The following GARRE1 variants were observed in gnomAD, a reference collection of about 807,000 sequenced individuals.
GARRE1 encodes granule associated Rac and RHOG effector 1.
GARRE1 carries 49 observed loss-of-function variants against 103.2 expected under a neutral mutation model. The ratio of observed to expected loss-of-function variants is 0.47; its 90% CI spans 0.38 to 0.60. The LOEUF is 0.60. Among genes scored for constraint, GARRE1 ranks in the 20% least tolerant of loss-of-function variants. The probability of loss-of-function intolerance (pLI) is 0.00; values close to 1 mark genes in which losing one functional copy is unlikely to be tolerated. For synonymous variants in GARRE1, 505 were observed against 532.8 expected, an observed-to-expected ratio of 0.95 and a Z score of 0.72; for missense variants, 1,199 against 1,370.5, an observed-to-expected ratio of 0.87 and a Z score of 1.98.
chr19:34,264,521 C>T (rs1382412721), intron 1 of GARRE1, among the ~76,000 whole-genome samples: 1 of 152,108 alleles, frequency 6.6e-6, no homozygotes, highest in African/African-American at 2.4e-5. Flanking sequence ...GCCTCAGCCT[C>T]CTGAGTAGCT....
At position 34,352,795 on chromosome 19, in the gene GARRE1, C is replaced by T. The variant is rs2074245896; in HGVS notation, c.3053C>T (p.Pro1018Leu). ...WNDTMQMLQS[P>L]VWAATNDCSA... ...GACACCATGCAGATGCTGCAGTCCC[C>T]AGTGTGGGCCGCAACCAACGACTGC... The change falls in exon 14 of 14, where the codon CCA becomes CTA. Residue 1018 changes from proline (P) to leucine (L), a missense_variant. By Grantham distance (98) the Pro-to-Leu change is moderately conservative (BLOSUM62 -3). Coordinates refer to ENST00000299505, the MANE Select transcript of GARRE1 (RefSeq NM_014686.5). 6.2e-7 allele frequency: 1 copy of T among 1,613,966 alleles called. No homozygotes were observed. The highest frequency in any genetic ancestry group is 1.1e-5 in the South Asian group (1 of 91,088).
intron 1 of GARRE1, among the ~76,000 whole-genome samples, chr19:34,271,651 G>A (rs1174242192): frequency 6.6e-6 from 1 of 152,028 alleles, no homozygotes; most frequent in Non-Finnish European, 1.5e-5. Flanking sequence ...CTTGAGCCCA[G>A]GAGTTTGAGA....
rs144203915 is a variant in GARRE1 at position 34,327,654 on chromosome 19, T to C, written c.846+93T>C. 9.8e-4 allele frequency: 1,467 copies of C among 1,493,410 alleles called. 27 individuals are homozygous for C. The East Asian group carries it at 0.027, about 27-fold the overall frequency. The allele number at this position is 1,493,410 out of a possible 1,614,324, so 92.5% of individuals were successfully genotyped here. A position where few individuals can be genotyped will look rare whatever the true frequency, so the allele number is the denominator to read the frequency against. On this transcript the variant is annotated intron_variant, in intron 4 of 13. Transcript: ENST00000299505. ...ATGTTGAATCAATTAGAAAGGGTTA[T>C]AGAGTAGTAATTGACCTTTTAATAG...
chr19:34,320,142 T>C, intron 3 of GARRE1, 26 bp downstream of exon 3: 1 of 1,600,272 alleles, frequency 6.2e-7, no homozygotes, highest in East Asian at 2.2e-5. Context: ...GGGAGATTGG[T>C]GCCTGTGTTC....
chr19:34,304,574 C>T (rs7245432), intron 2 of GARRE1, among the ~76,000 whole-genome samples: 17,431 of 151,266 alleles, frequency 0.12, 1,314 homozygotes, highest in African/African-American at 0.21. Flanking sequence ...AGACGGGTTT[C>T]ACCATGTTGA....
chr19:34,269,859 T>A (rs2073775978), intron 1 of GARRE1, among the ~76,000 whole-genome samples: 1 of 152,230 alleles, frequency 6.6e-6, no homozygotes, highest in South Asian at 2.1e-4. Flanking sequence ...GAACATGCTT[T>A]AGTATTAATT....
chr19:34,351,735 C>A, intron 13 of GARRE1, 143 bp downstream of exon 13: 1 of 658,406 alleles, frequency 1.5e-6, no homozygotes, highest in Admixed American at 2.1e-5. Flanking sequence ...CTCAGAGCCA[C>A]AGGAAGCTCT....
intron 3 of GARRE1, among the ~76,000 whole-genome samples, chr19:34,325,238 C>T (rs1360798345): frequency 6.6e-6 from 1 of 152,156 alleles, no homozygotes; most frequent in Admixed American, 6.5e-5. Context: ...GCCCTTCTCC[C>T]TAGGGGTTCT....
At chr19:34,264,645 A>G (rs2923792) in intron 1 of GARRE1, among the ~76,000 whole-genome samples, 129,992 of 152,062 alleles carry the variant, frequency 0.85, 56,402 homozygotes, top group Non-Finnish European at 0.93. Context: ...TGATCCGCCC[A>G]CCTCGGCCTC....
chr19:34,353,054 C>T lies in GARRE1; in HGVS notation c.*99C>T, dbSNP rs1026658729. 3.6e-5 allele frequency: 42 copies of T among 1,154,298 alleles called. No individual in the cohort carries two copies. Among genetic ancestry groups the T allele is most frequent in the Admixed American group, 1.0e-4 (4 of 38,120 alleles). The allele number at this position is 1,154,298 out of a possible 1,614,324, so 71.5% of individuals were successfully genotyped here. On this transcript the variant is annotated 3_prime_UTR_variant, in exon 14 of 14. Transcript: ENST00000299505. ...GGCCACTTAGCTGACACCAGCCCCT[C>T]AGAGGACCAGTGCGCCCCATCCCAG...
intron 1 of GARRE1, among the ~76,000 whole-genome samples, chr19:34,288,681 G>A (rs1413290524): frequency 6.6e-6 from 1 of 152,274 alleles, no homozygotes; most frequent in East Asian, 1.9e-4. Flanking sequence ...TTTGAAGGGA[G>A]GTGATGTGTG....
rs1412016895 is a variant in GARRE1 at position 34,300,152 on chromosome 19, A to G, written c.-322A>G. On this transcript the variant is annotated 5_prime_UTR_variant, in exon 2 of 14. Transcript: ENST00000299505. ...TGCCATTGTAAATACAAGTATCAAA[A>G]TATTCTTGCAAAGAAGTAAACATTT... The G allele has an allele frequency of 2.2e-5, 6 of 271,838 alleles. No homozygotes were observed. In the East Asian group the frequency reaches 3.3e-4, roughly 15 times the overall value. The allele number at this position is 271,838 out of a possible 1,614,324, so 16.8% of individuals were successfully genotyped here. A position where few individuals can be genotyped will look rare whatever the true frequency, so the allele number is the denominator to read the frequency against.
rs539016186 is a variant in GARRE1, at chr19:34,324,634, A to C, written c.706-2787A>C. Among the ~76,000 whole-genome samples the C allele has an allele frequency of 8.6e-5, 13 of 151,810 alleles. No individual in the cohort carries two copies. The South Asian group carries it at 2.7e-3, about 32-fold the overall frequency. ...CTCCTGAGTAGCTCAGACTATAGGC[A>C]TGCACCACCATGCTTGGCTAATTAT... On this transcript the variant is annotated intron_variant, in intron 3 of 13. Coordinates refer to ENST00000299505, the MANE Select transcript of GARRE1 (RefSeq NM_014686.5).
chr19:34,324,238 C>T (rs1458412625), intron 3 of GARRE1, among the ~76,000 whole-genome samples: 1 of 152,210 alleles, frequency 6.6e-6, no homozygotes. Context: ...TCTCAGCCAA[C>T]TTCTTGGAGT....
At chr19:34,304,111 T>A (rs1033722233) in intron 2 of GARRE1, among the ~76,000 whole-genome samples, 5 of 137,890 alleles carry the variant, frequency 3.6e-5, no homozygotes, top group Non-Finnish European at 6.3e-5. Flanking sequence ...TTTTTTTTTT[T>A]AGACAGAGTC....
At chr19:34,262,833 C>T (rs943578795) in intron 1 of GARRE1, among the ~76,000 whole-genome samples, 1 of 152,140 alleles carries the variant, frequency 6.6e-6, no homozygotes, top group Non-Finnish European at 1.5e-5. Flanking sequence ...AAGCAAGGTA[C>T]AGAACAATGT....
chr19:34,307,579 A>G (rs1343826160), intron 2 of GARRE1, among the ~76,000 whole-genome samples: 2 of 147,234 alleles, frequency 1.4e-5, no homozygotes, highest in Admixed American at 6.9e-5. Context: ...TTATATATGT[A>G]TGTATATATA....
At chr19:34,287,071 G>T (rs913623214) in intron 1 of GARRE1, among the ~76,000 whole-genome samples, 1 of 151,206 alleles carries the variant, frequency 6.6e-6, no homozygotes, top group Non-Finnish European at 1.5e-5. Context: ...CCCAGGGGGC[G>T]GAGCTTGCAG....
chr19:34,259,166 T>C (rs1416273198), intron 1 of GARRE1, among the ~76,000 whole-genome samples: 1 of 152,192 alleles, frequency 6.6e-6, no homozygotes, highest in Non-Finnish European at 1.5e-5. Context: ...AGACCCTGTC[T>C]CAAAATAAAT....
Sources: allele counts gnomAD v4.1 joint callset (sites outside exome capture counted in the v4.1 genomes callset), GRCh38; gene constraint gnomAD v4.1.1; transcripts MANE v1.5; gene names NCBI Gene and HGNC (gene_info 2026-07-23, HGNC 2026-07-21).